The following IAH1 variants were observed in gnomAD, a reference collection of about 807,000 sequenced individuals.
The protein encoded by IAH1 is isoamyl acetate hydrolyzing esterase 1 (putative), also known as isoamyl acetate-hydrolyzing esterase 1 homolog.
Under a neutral mutation model 26.7 loss-of-function variants are expected in IAH1, and 24 were observed. The ratio of observed to expected loss-of-function variants is 0.90; its 90% CI spans 0.65 to 1.26. IAH1 has a LOEUF of 1.26. Among genes scored for constraint, IAH1 ranks in the 50% most tolerant of loss-of-function variants. The pLI is 0.00. For missense variants in IAH1, 300 were observed against 299.9 expected (o/e 1.00, Z 0.00); for synonymous variants, 140 against 118.5 (o/e 1.18, Z -1.18).
chr2:9,509,943 T>G, the IAH1 span: 1 of 1,611,030 alleles, frequency 6.2e-7, no homozygotes, highest in East Asian at 2.2e-5. Flanking sequence ...ACAGCCTCTT[T>G]CCAAACCACA....
At chr2:9,474,520 GCGCCTCTCGT>G (rs1261489821), upstream of IAH1, 2 of 1,262,774 alleles carry the variant, frequency 1.6e-6, no homozygotes, top group African/African-American at 3.2e-5. This position sits in a 1 kb window ranked among gnomAD's most constrained non-coding sequence, Gnocchi z 4.3. Flanking sequence ...CACTGCGCAG[GCGCCTCTCGT>G]GGCTGGCGGC....
Position 9,488,994 on chromosome 2 carries a change from A to G in IAH1, c.*665A>G, listed in dbSNP as rs14425. On this transcript the variant is annotated 3_prime_UTR_variant, in exon 6 of 6. Transcript: ENST00000497473. ...TTCACACAGTAAATGCAGCCCATCC[A>G]GAATCCTGGAGCAATAAAGTAAGAA... 16 of 152,240 alleles carry G rather than the reference A, an allele frequency of 1.1e-4. No homozygotes were observed. The highest frequency in any genetic ancestry group is 3.6e-4 in the African/African-American group (15 of 41,454). 9.4% of individuals were successfully genotyped at this position (152,240 alleles called of 1,614,324 possible).
chr2:9,504,977 G>A, the IAH1 span, among the ~76,000 whole-genome samples: 1 of 152,042 alleles, frequency 6.6e-6, no homozygotes, highest in African/African-American at 2.4e-5. Context: ...GTGCTGGGAT[G>A]ACAGGAGTGA....
At chr2:9,490,384 G>A, downstream of IAH1, 5 of 1,614,148 alleles carry the variant, frequency 3.1e-6, no homozygotes, top group Non-Finnish European at 4.2e-6. Flanking sequence ...CCATTCTCTG[G>A]TGGTCCAGTT....
At chr2:9,486,842 A>T (rs1661521305) in intron 5 of IAH1, 1 of 152,110 alleles carries the variant, frequency 6.6e-6, no homozygotes, top group Non-Finnish European at 1.5e-5. Context: ...AAAAAAAAAA[A>T]AAAGTCACAT....
At chr2:9,490,579 G>T, downstream of IAH1, 1 of 1,476,536 alleles carries the variant, frequency 6.8e-7, no homozygotes, top group East Asian at 2.4e-5. Flanking sequence ...GGTCCTCACA[G>T]CTCCACCCTT....
At chr2:9,474,410 A>C (rs544706690), upstream of IAH1, 798 of 429,310 alleles carry the variant, frequency 1.9e-3, 2 homozygotes, top group Non-Finnish European at 2.8e-3. This position sits in a 1 kb window ranked among gnomAD's most constrained non-coding sequence, Gnocchi z 4.3. Context: ...GCGGAGGCCG[A>C]GCTTCTTGCA....
chr2:9,501,265 A>T (rs1165445134), downstream of IAH1, among the ~76,000 whole-genome samples: 4 of 152,226 alleles, frequency 2.6e-5, no homozygotes, highest in African/African-American at 9.6e-5. Flanking sequence ...AAAAAAAGTA[A>T]GAACAAGAGA....
At chr2:9,475,198 G>A in intron 1 of IAH1, 1 of 1,289,506 alleles carries the variant, frequency 7.8e-7, no homozygotes, top group South Asian at 1.2e-5. Flanking sequence ...CCCATGAAGG[G>A]AACGGTCTTC....
chr2:9,475,397 A>G (rs2124890908), intron 1 of IAH1, among the ~76,000 whole-genome samples: 1 of 152,182 alleles, frequency 6.6e-6, no homozygotes, highest in Non-Finnish European at 1.5e-5. Flanking sequence ...GTTCACCCTC[A>G]GCTCGGTAAC....
chr2:9,482,785 A>C (rs1229717414), intron 4 of IAH1, among the ~76,000 whole-genome samples: 1 of 152,216 alleles, frequency 6.6e-6, no homozygotes, highest in Non-Finnish European at 1.5e-5. Context: ...GGTGCCACAC[A>C]CCGGAGGCAC....
intron 6 of IAH1, among the ~76,000 whole-genome samples, chr2:9,495,771 T>G (rs1184364618): frequency 2.6e-5 from 4 of 151,990 alleles, no homozygotes; most frequent in African/African-American, 9.7e-5. Flanking sequence ...TTCTTGGACT[T>G]TTACTGTGTC....
In IAH1 at chr2:9,494,893, G is replaced by A. The variant is rs940485042; in HGVS notation, c.*222+33G>A. On this transcript the variant is annotated intron_variant, in intron 6 of 6. Transcript: ENST00000481367. Reference sequence around the variant, plus strand: ...ATCACATTTATTTTTTATTTAAATAGCTAATACTATCCATAGCCCCCACCA... The same window carrying A: ...ATCACATTTATTTTTTATTTAAATAACTAATACTATCCATAGCCCCCACCA... 7 of 1,196,368 alleles carry A rather than the reference G, an allele frequency of 5.9e-6. No homozygotes were observed. The Admixed American group carries it at 1.9e-4, about 32-fold the overall frequency. 74.1% of individuals were successfully genotyped at this position (1,196,368 alleles called of 1,614,324 possible). A position where few individuals can be genotyped will look rare whatever the true frequency, so the allele number is the denominator to read the frequency against.
downstream of IAH1, among the ~76,000 whole-genome samples, chr2:9,498,355 CAAAG>C (rs542199726): frequency 5.1e-4 from 78 of 152,158 alleles, no homozygotes; most frequent in African/African-American, 1.8e-3. Flanking sequence ...GAAAACCCAC[CAAAG>C]AAAGTTAAAC....
At chr2:9,505,695 G>T in the IAH1 span, 15 of 287,952 alleles carry the variant, frequency 5.2e-5, no homozygotes, top group Non-Finnish European at 1.0e-4. Flanking sequence ...CAGAGAGCTC[G>T]TAGCTCCATC....
chr2:9,480,925 A>G, intron 3 of IAH1: 1 of 177,022 alleles, frequency 5.6e-6, no homozygotes, highest in Admixed American at 5.8e-5. Flanking sequence ...CTAAGTATTT[A>G]TCTGCGGTTC....
At chr2:9,502,349 C>G in the IAH1 span, 1 of 1,313,372 alleles carries the variant, frequency 7.6e-7, no homozygotes, top group Non-Finnish European at 1.1e-6. Flanking sequence ...GCTACAGTTA[C>G]GTTACAGTGA....
Position 9,489,289 on chromosome 2 carries a change from A to G in IAH1, c.*960A>G, listed in dbSNP as rs1328367041. ...TTTTTTTTTTTTTTTTTTTTGAGGC[A>G]GAGTCTCACTCTGTCACCCAGGCTG... is the stretch of plus-strand genomic sequence containing the variant. On this transcript the variant is annotated 3_prime_UTR_variant, in exon 6 of 6. Transcript: ENST00000497473. 1.8e-3 allele frequency: 202 copies of G among 113,640 alleles called. 1 individual carries two copies. Among genetic ancestry groups the G allele is most frequent in the African/African-American group, 0.011 (197 of 17,184 alleles). The allele number at this position is 113,640 out of a possible 1,614,324, so 7.0% of individuals were successfully genotyped here.
chr2:9,505,279 A>G, the IAH1 span: 1 of 1,614,182 alleles, frequency 6.2e-7, no homozygotes, highest in South Asian at 1.1e-5. Context: ...AGTTCCCACA[A>G]ACTTTATTGC....
Sources: allele counts gnomAD v4.1 joint callset (sites outside exome capture counted in the v4.1 genomes callset), GRCh38; gene constraint gnomAD v4.1.1; non-coding constraint Gnocchi (gnomAD v3.1); transcripts MANE v1.5; gene names NCBI Gene and HGNC (gene_info 2026-07-23, HGNC 2026-07-21).